KY: variants seen among roughly 807,000 people sequenced by gnomAD.
KY encodes kyphoscoliosis peptidase.
KY carries 43 observed loss-of-function variants against 76.1 expected under a neutral mutation model. The ratio of observed to expected loss-of-function variants is 0.57; its 90% CI spans 0.44 to 0.73. The LOEUF (loss-of-function observed/expected upper bound fraction) is 0.73, where lower values mean the gene tolerates loss of function less well. KY is among the 30% of genes least tolerant of loss of function. The pLI is 0.00. For synonymous variants in KY, 277 were observed against 326.2 expected (o/e 0.85, Z 1.63); for missense variants, 722 against 828.9 (o/e 0.87, Z 1.58).
intron 10 of KY, chr3:134,608,253 G>A (rs976022076): frequency 1.8e-5 from 22 of 1,195,240 alleles, no homozygotes; most frequent in Non-Finnish European, 2.3e-5. Context: ...GTGTAGCCAG[G>A]GTGACGTAGT....
At chr3:134,605,352 G>A (rs1287554432) in intron 10 of KY, among the ~76,000 whole-genome samples, 1 of 152,110 alleles carries the variant, frequency 6.6e-6, no homozygotes, top group Non-Finnish European at 1.5e-5. Flanking sequence ...CCCCAGCCCC[G>A]TTCACAGTTG....
rs1231056998 is a variant in KY, at chr3:134,603,549, C to T, written c.*30G>A. On this transcript the variant is annotated 3_prime_UTR_variant, in exon 11 of 11. Coordinates refer to ENST00000423778, the MANE Select transcript of KY (RefSeq NM_178554.6). ...TCCCTGGGGAGGTCTGGCCTTGGCCCTTTGGGAGGGTAAGACCGGGGCACA... is the reference window on the plus strand; with the variant it reads ...TCCCTGGGGAGGTCTGGCCTTGGCCTTTTGGGAGGGTAAGACCGGGGCACA... The T allele has an allele frequency of 1.3e-6, 2 of 1,543,268 alleles. No individual in the cohort carries two copies. Among genetic ancestry groups the T allele is most frequent in the Non-Finnish European group, 1.8e-6 (2 of 1,142,162 alleles).
In KY at chr3:134,601,451, T is replaced by C. The variant is rs146711138; in HGVS notation, c.*2128A>G. On this transcript the variant is annotated 3_prime_UTR_variant, in exon 11 of 11. Coordinates refer to ENST00000423778, the MANE Select transcript of KY (RefSeq NM_178554.6). The stretch of plus-strand genomic sequence containing the variant: ...GCGAGGCAGCCAGCGCGGGGTCCAG[T>C]GAGTGACATGCGTCATCGAAGGCAC... Among the ~76,000 whole-genome samples, 830 of 152,358 alleles carry C rather than the reference T, an allele frequency of 5.4e-3. 9 individuals carry two copies. Among genetic ancestry groups the C allele is most frequent in the Non-Finnish European group, 6.2e-3 (425 of 68,032 alleles).
At chr3:134,625,792 C>T (rs1226043852) in intron 5 of KY, among the ~76,000 whole-genome samples, 1 of 152,256 alleles carries the variant, frequency 6.6e-6, no homozygotes, top group African/African-American at 2.4e-5. Context: ...AAGGCTGGGC[C>T]TCCAAATCAC....
intron 10 of KY, among the ~76,000 whole-genome samples, chr3:134,606,787 G>A (rs560309351): frequency 1.3e-5 from 2 of 151,744 alleles, no homozygotes; most frequent in Admixed American, 1.3e-4. Flanking sequence ...GACCTCTATG[G>A]GAGTCCACGG....
chr3:134,605,579 T>G (rs1308370713), intron 10 of KY, among the ~76,000 whole-genome samples: 1 of 152,102 alleles, frequency 6.6e-6, no homozygotes, highest in African/African-American at 2.4e-5. Context: ...AGACAGCCCC[T>G]CTACCTTCTT....
In KY at chr3:134,639,493, C is replaced by T. The variant is rs578037765; in HGVS notation, c.262+3823G>A. Among the ~76,000 whole-genome samples, 2 of 152,330 alleles carry T rather than the reference C, an allele frequency of 1.3e-5. 1 individual carries two copies. Among genetic ancestry groups the T allele is most frequent in the South Asian group, 4.1e-4 (2 of 4,828 alleles). Reference sequence around the variant, plus strand: ...AACAAAGGACCATTCATGATTCCTTCTATGGGTTGGAGCTCCACAGGGAGG... The same window carrying T: ...AACAAAGGACCATTCATGATTCCTTTTATGGGTTGGAGCTCCACAGGGAGG... On this transcript the variant is annotated intron_variant, in intron 3 of 10. Transcript: ENST00000423778.
Sources: allele counts gnomAD v4.1 joint callset (sites outside exome capture counted in the v4.1 genomes callset), GRCh38; gene constraint gnomAD v4.1.1; transcripts MANE v1.5; gene names NCBI Gene and HGNC (gene_info 2026-07-23, HGNC 2026-07-21).